NXPH1: variants seen among roughly 807,000 people sequenced by gnomAD.
NXPH1 encodes the protein neurexophilin 1.
A neutral mutation model predicts 23.7 loss-of-function variants in NXPH1; 5 were observed. The ratio of observed to expected loss-of-function variants is 0.21; its 90% confidence interval spans 0.11 to 0.44. NXPH1 has a LOEUF of 0.44. NXPH1 is among the 20% of genes least tolerant of loss of function. NXPH1 has a pLI of 0.99. For missense variants in NXPH1, 324 were observed against 321.6 expected, an observed-to-expected ratio of 1.01 and a Z score of -0.06; for synonymous variants, 144 against 122.2, an observed-to-expected ratio of 1.18 and a Z score of -1.18.
chr7:8,487,934 A>G (rs1475796629), intron 2 of NXPH1, among the ~76,000 whole-genome samples: 2 of 152,138 alleles, frequency 1.3e-5, no homozygotes, highest in South Asian at 4.1e-4. Flanking sequence ...TAAGGGTCAC[A>G]TAGAATAACG....
chr7:8,698,452 G>T (rs1189176526), intron 2 of NXPH1, among the ~76,000 whole-genome samples: 1 of 152,132 alleles, frequency 6.6e-6, no homozygotes, highest in African/African-American at 2.4e-5. Context: ...TTAAATTGGT[G>T]TGGCCAATAT....
At chr7:8,466,100 C>T (rs1816782677) in intron 2 of NXPH1, among the ~76,000 whole-genome samples, 1 of 152,140 alleles carries the variant, frequency 6.6e-6, no homozygotes, top group Non-Finnish European at 1.5e-5. Context: ...GTACTGTTGG[C>T]TTCTCTTGAC....
chr7:8,454,954 T>C (rs1024244816), intron 2 of NXPH1, among the ~76,000 whole-genome samples: 71 of 152,264 alleles, frequency 4.7e-4, no homozygotes, highest in African/African-American at 1.6e-3. Context: ...TCAAAAGAAG[T>C]ATGTTTTCTT....
chr7:8,484,372 C>G (rs1236277938), intron 2 of NXPH1, among the ~76,000 whole-genome samples: 1 of 151,924 alleles, frequency 6.6e-6, no homozygotes, highest in East Asian at 1.9e-4. Context: ...TGGTCTAGGT[C>G]TACACCATCA....
intron 2 of NXPH1, among the ~76,000 whole-genome samples, chr7:8,542,225 G>T (rs1241845243): frequency 2.0e-5 from 3 of 151,454 alleles, no homozygotes; most frequent in Non-Finnish European, 4.4e-5. Flanking sequence ...CAAAAAAATA[G>T]TACTGGATAT....
At chr7:8,453,947 C>T (rs1179188117) in intron 2 of NXPH1, among the ~76,000 whole-genome samples, 1 of 152,038 alleles carries the variant, frequency 6.6e-6, no homozygotes, top group Non-Finnish European at 1.5e-5. Flanking sequence ...CCAGCAATGA[C>T]ATTGCTGGGT....
rs145784426 is a variant in NXPH1 at position 8,502,547 on chromosome 7, A to G, written c.54+66780A>G. Among the ~76,000 whole-genome samples the G allele has an allele frequency of 2.0e-3, 300 of 152,024 alleles. 2 individuals are homozygous for G. Among genetic ancestry groups the G allele is most frequent in the African/African-American group, 6.6e-3 (273 of 41,490 alleles). On this transcript the variant is annotated intron_variant, in intron 2 of 2. Transcript: ENST00000405863. ...GTAATTTGAGTAGGGTAAATACAAT[A>G]TAAAGCATTAGTGGTGTGACAAGGG...
intron 2 of NXPH1, among the ~76,000 whole-genome samples, chr7:8,604,770 C>T (rs569361767): frequency 7.2e-5 from 11 of 152,132 alleles, no homozygotes; most frequent in Non-Finnish European, 1.5e-4. Flanking sequence ...TAAACAAATA[C>T]CAGTTTTGAG....
intron 2 of NXPH1, among the ~76,000 whole-genome samples, chr7:8,697,273 G>T (rs556441199): frequency 6.6e-6 from 1 of 152,218 alleles, no homozygotes; most frequent in Non-Finnish European, 1.5e-5. Context: ...AAAGATGCCA[G>T]TTGGGGGTTT....
chr7:8,477,288 T>A (rs1350557210), intron 2 of NXPH1, among the ~76,000 whole-genome samples: 1 of 152,136 alleles, frequency 6.6e-6, no homozygotes, highest in Non-Finnish European at 1.5e-5. Flanking sequence ...TTTTACTTAC[T>A]CTTACTTGTT....
chr7:8,656,101 G>A (rs1441691919), intron 2 of NXPH1, among the ~76,000 whole-genome samples: 2 of 152,194 alleles, frequency 1.3e-5, no homozygotes, highest in Non-Finnish European at 2.9e-5. Flanking sequence ...CTTCATCTAA[G>A]TGATTTATAT....
intron 2 of NXPH1, among the ~76,000 whole-genome samples, chr7:8,706,468 G>A (rs886505162): frequency 1.3e-5 from 2 of 152,184 alleles, no homozygotes; most frequent in Admixed American, 6.5e-5. Context: ...AGAAAAACTC[G>A]ATTGAGGTAC....
At chr7:8,694,295 G>A (rs1305311673) in intron 2 of NXPH1, among the ~76,000 whole-genome samples, 1 of 152,178 alleles carries the variant, frequency 6.6e-6, no homozygotes, top group Admixed American at 6.5e-5. Flanking sequence ...TGGTTGAGTT[G>A]TCCCTTGACA....
chr7:8,678,018 T>G (rs781677742), intron 2 of NXPH1, among the ~76,000 whole-genome samples: 1 of 152,140 alleles, frequency 6.6e-6, no homozygotes, highest in Non-Finnish European at 1.5e-5. Flanking sequence ...CATCTCAATG[T>G]TGTATGTTTC....
intron 2 of NXPH1, among the ~76,000 whole-genome samples, chr7:8,462,531 G>A (rs1162946232): frequency 1.3e-5 from 2 of 152,158 alleles, no homozygotes; most frequent in Admixed American, 6.5e-5. Context: ...CAGTCACTCA[G>A]CTAATGATGA....
At chr7:8,587,741 A>G (rs969258779) in intron 2 of NXPH1, among the ~76,000 whole-genome samples, 5 of 151,852 alleles carry the variant, frequency 3.3e-5, no homozygotes, top group African/African-American at 1.2e-4. Flanking sequence ...CGGTGTTTGG[A>G]TTTCTGTTCC....
At chr7:8,668,476 G>C (rs779537804) in intron 2 of NXPH1, among the ~76,000 whole-genome samples, 1 of 152,198 alleles carries the variant, frequency 6.6e-6, no homozygotes, top group South Asian at 2.1e-4. Context: ...GGGTTCAGCA[G>C]GTAGGCAAGC....
chr7:8,553,178 A>G (rs999593406), intron 2 of NXPH1, among the ~76,000 whole-genome samples: 1 of 151,574 alleles, frequency 6.6e-6, no homozygotes, highest in African/African-American at 2.4e-5. Context: ...GAGCTGGACA[A>G]ACAAATTTAT....
At chr7:8,576,519 A>G (rs1818758682) in intron 2 of NXPH1, among the ~76,000 whole-genome samples, 1 of 152,146 alleles carries the variant, frequency 6.6e-6, no homozygotes, top group South Asian at 2.1e-4. Flanking sequence ...ATTCTAGACA[A>G]TGTAGCTTAT....
Sources: allele counts gnomAD v4.1 joint callset (sites outside exome capture counted in the v4.1 genomes callset), GRCh38; gene constraint gnomAD v4.1.1; transcripts MANE v1.5; gene names NCBI Gene and HGNC (gene_info 2026-07-23, HGNC 2026-07-21).